Variants in MIER1 observed in about 807,000 individuals in gnomAD.
MIER1 encodes MIER1 transcriptional regulator.
A neutral mutation model predicts 75.7 loss-of-function variants in MIER1; 40 were observed. The ratio of observed to expected loss-of-function variants is 0.53; its 90% CI spans 0.41 to 0.69. The LOEUF is 0.69. Among genes scored for constraint, MIER1 ranks in the 30% least tolerant of loss-of-function variants. MIER1 has a pLI of 0.00. For synonymous variants in MIER1, 213 were observed against 223.4 expected, an observed-to-expected ratio of 0.95 and a Z score of 0.42; for missense variants, 574 against 680.2, an observed-to-expected ratio of 0.84 and a Z score of 1.74.
At chr1:66,972,667 TAAG>T (rs1355423556) in intron 10 of MIER1, among the ~76,000 whole-genome samples, 1 of 151,998 alleles carries the variant, frequency 6.6e-6, no homozygotes, top group Non-Finnish European at 1.5e-5. Flanking sequence ...CAGTAAGAAT[TAAG>T]AAGAAAGTGG....
At chr1:66,941,550 C>T (rs528525331) in intron 3 of MIER1, among the ~76,000 whole-genome samples, 1 of 152,070 alleles carries the variant, frequency 6.6e-6, no homozygotes, top group Admixed American at 6.5e-5. Flanking sequence ...ATTTTTGAGG[C>T]ATTCATCTGA....
intron 7 of MIER1, among the ~76,000 whole-genome samples, chr1:66,961,163 T>C (rs984851430): frequency 1.3e-5 from 2 of 152,198 alleles, no homozygotes; most frequent in East Asian, 1.9e-4. Flanking sequence ...ATTGTTTTCT[T>C]TCAGTATGAT....
intron 11 of MIER1, among the ~76,000 whole-genome samples, chr1:66,973,319 G>A (rs1185997072): frequency 6.6e-6 from 1 of 151,966 alleles, no homozygotes. Context: ...TTTATGGAGG[G>A]CCTTTGAAAT....
At chr1:66,934,200 T>C (rs1654137754) in intron 2 of MIER1, among the ~76,000 whole-genome samples, 1 of 152,210 alleles carries the variant, frequency 6.6e-6, no homozygotes, top group African/African-American at 2.4e-5. Flanking sequence ...TCCTTAGTAG[T>C]GTTAGGTTTC....
intron 3 of MIER1, among the ~76,000 whole-genome samples, chr1:66,944,546 A>G (rs556435013): frequency 3.8e-4 from 58 of 151,842 alleles, no homozygotes; most frequent in African/African-American, 1.4e-3. Context: ...GGGTCCAGCA[A>G]TATTCCCCAA....
At chr1:66,931,511 C>A (rs932129146) in intron 2 of MIER1, among the ~76,000 whole-genome samples, 9 of 152,086 alleles carry the variant, frequency 5.9e-5, no homozygotes, top group South Asian at 4.1e-4. Context: ...ACAGGCACCC[C>A]AAAACAGATT....
chr1:66,974,465 C>G (rs757612376), intron 11 of MIER1, among the ~76,000 whole-genome samples: 6 of 150,938 alleles, frequency 4.0e-5, no homozygotes, highest in Non-Finnish European at 7.4e-5. Context: ...TTTAACACTT[C>G]TGCTTGAATT....
Position 66,986,559 on chromosome 1 carries a change from A to G in MIER1, c.*1659A>G. On this transcript the variant is annotated 3_prime_UTR_variant, in exon 14 of 14. Transcript: ENST00000401041. ...ACTGAGAAATTAGCATTCAGGCCTT[A>G]CCCCCATGAAGTATTACTGTTAACA... 1 of 1,017,832 alleles carries G rather than the reference A, an allele frequency of 9.8e-7. No individual in the cohort carries two copies. The highest frequency in any genetic ancestry group is 1.8e-5 in the Admixed American group (1 of 55,838). 63.1% of individuals were successfully genotyped at this position (1,017,832 alleles called of 1,614,324 possible).
chr1:66,929,991 C>T (rs867446888), intron 2 of MIER1, among the ~76,000 whole-genome samples: 8 of 152,342 alleles, frequency 5.3e-5, no homozygotes, highest in Middle Eastern at 3.4e-3. Context: ...GTTCCTTGAC[C>T]TCTCTGATCC....
chr1:66,932,301 G>A (rs1265500068), intron 2 of MIER1, among the ~76,000 whole-genome samples: 1 of 152,110 alleles, frequency 6.6e-6, no homozygotes, highest in Non-Finnish European at 1.5e-5. Flanking sequence ...ACTGCAAGAA[G>A]GAAAGAACTG....
Position 66,926,233 on chromosome 1 carries a change from T to G in MIER1, c.159T>G (p.Asp53Glu), listed in dbSNP as rs1402824728. The change falls in exon 2 of 14, where the codon GAT becomes GAG. Residue 53 changes from aspartate to glutamate, a missense_variant. Physicochemically the swap from Asp to Glu is conservative, Grantham distance 45 (BLOSUM62 2). This residue lies in a region of MIER1 where 309 missense variants were observed against 352.8 expected (regional missense o/e 0.88). Transcript: ENST00000401041. ...NWLRFNADKT[D>E]VMLPSVESSS... Reference sequence around the variant, plus strand: ...TGAGGTTCAATGCAGACAAGACGGATGTGATGCTGGTAGGCAGGGGTACAC... The same window carrying G: ...TGAGGTTCAATGCAGACAAGACGGAGGTGATGCTGGTAGGCAGGGGTACAC... The G allele has an allele frequency of 6.8e-6, 11 of 1,612,636 alleles. No homozygotes were observed. The highest frequency in any genetic ancestry group is 8.5e-6 in the Non-Finnish European group (10 of 1,178,700).
chr1:66,957,563 G>C (rs1660387392), intron 4 of MIER1, among the ~76,000 whole-genome samples: 1 of 140,220 alleles, frequency 7.1e-6, no homozygotes, highest in Non-Finnish European at 1.6e-5. Flanking sequence ...TATCATTTCT[G>C]TATATTACTA....
At chr1:66,936,097 A>G (rs1198602134) in intron 2 of MIER1, among the ~76,000 whole-genome samples, 1 of 152,170 alleles carries the variant, frequency 6.6e-6, no homozygotes, top group African/African-American at 2.4e-5. Context: ...TTTTCTACTG[A>G]TAAGGTTATG....
intron 8 of MIER1, among the ~76,000 whole-genome samples, chr1:66,968,565 T>G (rs1223460775): frequency 1.3e-5 from 2 of 152,188 alleles, no homozygotes; most frequent in African/African-American, 4.8e-5. Context: ...TGGAGAGACA[T>G]TGACAAATTT....
In MIER1 at chr1:66,959,732, G is replaced by A; in HGVS notation, c.688G>A (p.Asp230Asn). Residue 230 changes from aspartate (D) to asparagine (N), a missense_variant, in exon 7 of 14, where the codon GAC (aspartate) becomes AAC (asparagine). Physicochemically the swap from Asp to Asn is conservative, Grantham distance 23. Around this residue, in one of 3 missense-constraint regions of MIER1, gnomAD observed 309 missense variants for 352.8 expected, o/e 0.88. Transcript: ENST00000401041. ...AGATGAAGATTATATTCCATCAGAAGACTGGAAAAAGGTAGTTAGAACAAT... is the reference window on the plus strand; with the variant it reads ...AGATGAAGATTATATTCCATCAGAAAACTGGAAAAAGGTAGTTAGAACAAT... ...EEDEDYIPSE[D>N]WKKEIMVGSM... is the part of the protein sequence containing the mutation. The A allele has an allele frequency of 7.1e-7, 1 of 1,417,448 alleles. No homozygotes were observed. Among genetic ancestry groups the A allele is most frequent in the Non-Finnish European group, 9.4e-7 (1 of 1,059,884 alleles). The allele number at this position is 1,417,448 out of a possible 1,614,324, so 87.8% of individuals were successfully genotyped here. A position where few individuals can be genotyped will look rare whatever the true frequency, so the allele number is the denominator to read the frequency against.
intron 4 of MIER1, chr1:66,947,038 T>G (rs886707498): frequency 2.0e-6 from 2 of 979,220 alleles, no homozygotes; most frequent in Non-Finnish European, 2.4e-6. Context: ...CAAAATGTAG[T>G]ATGAGGGTCA....
chr1:66,988,256 CTCTCT>C lies in MIER1; in HGVS notation c.*3362_*3366del, dbSNP rs1457590303. 6 of 152,334 alleles carry C rather than the reference CTCTCT, an allele frequency of 3.9e-5. No homozygotes were observed. The East Asian group carries it at 1.1e-3, about 29-fold the overall frequency. 9.4% of individuals were successfully genotyped at this position (152,334 alleles called of 1,614,324 possible). A position where few individuals can be genotyped will look rare whatever the true frequency, so the allele number is the denominator to read the frequency against. On this transcript the variant is annotated 3_prime_UTR_variant, in exon 14 of 14. Coordinates refer to ENST00000401041, the MANE Select transcript of MIER1 (RefSeq NM_001077700.3). ...TTTTAACCTTTTATTCTAAAAATGACTCTCTTCTCTCAAAATGACTTTTTCTGTAT... is the reference window on the plus strand; with the variant it reads ...TTTTAACCTTTTATTCTAAAAATGACTCTCTCAAAATGACTTTTTCTGTAT...
At chr1:66,970,767 G>A (rs760515843) in intron 8 of MIER1, 41 bp from the exon 9 acceptor site, 1 of 1,444,194 alleles carries the variant, frequency 6.9e-7, no homozygotes, top group East Asian at 2.5e-5. Context: ...AACTCTATCA[G>A]TTTTTAGAAA....
chr1:66,946,393 G>T, intron 4 of MIER1, 98 bp downstream of exon 4: 1 of 1,445,530 alleles, frequency 6.9e-7, no homozygotes. Context: ...GAGAAATTGT[G>T]TTATATATTA....
Sources: gnomAD v4.1 joint callset for allele counts (sites outside exome capture counted in the v4.1 genomes callset) on GRCh38, gnomAD v4.1.1 for gene constraint, gnomAD v4.1.1 regional missense constraint, MANE v1.5 for transcripts, NCBI Gene and HGNC (gene_info 2026-07-23, HGNC 2026-07-21) for gene names.